The following C10orf90 variants were observed in gnomAD, a reference collection of about 807,000 sequenced individuals.
C10orf90 encodes the protein (E2-independent) E3 ubiquitin-conjugating enzyme FATS.
In C10orf90, 56 loss-of-function variants were observed where a neutral mutation model predicts 62.5. That is an observed-to-expected ratio of 0.90 (90% CI 0.72 to 1.12). The LOEUF is 1.12. Ranked by LOEUF, C10orf90 falls within the 50% of genes most tolerant of loss-of-function variation. The pLI is 0.00. For missense variants in C10orf90, 970 were observed against 880.4 expected (o/e 1.10, Z -1.29); for synonymous variants, 386 against 340.4 (o/e 1.13, Z -1.47).
intron 2 of C10orf90, among the ~76,000 whole-genome samples, chr10:126,587,259 A>G (rs1346732718): frequency 6.6e-6 from 1 of 152,242 alleles, no homozygotes; most frequent in African/African-American, 2.4e-5. Flanking sequence ...ACTTTGCCAC[A>G]TCCTATGAAA....
rs201812309 is a variant in C10orf90 at position 126,461,447 on chromosome 10, T to C, written c.1964A>G (p.Asp655Gly). 4.8e-5 allele frequency: 77 copies of C among 1,614,062 alleles called. 1 individual carries two copies. In the South Asian group the frequency reaches 7.7e-4, roughly 16 times the overall value. ...AGGCGTTTGCTGAGACTCAGAACAG[T>C]CTTCGGACAGGCCAGGGCTCCCTGC... is the stretch of plus-strand genomic sequence containing the variant. The part of the protein sequence containing the change: ...DGAGSPGLSE[D>G]CSESQQTPAR... Residue 655 changes from aspartate to glycine, a missense_variant, in exon 6 of 10, where the codon GAC becomes GGC. Coordinates refer to ENST00000488181, the MANE Select transcript of C10orf90 (RefSeq NM_001350921.2).
intron 3 of C10orf90, among the ~76,000 whole-genome samples, chr10:126,507,521 A>G (rs868077490): frequency 1.8e-4 from 27 of 150,196 alleles, no homozygotes; most frequent in Non-Finnish European, 3.4e-4. Context: ...AAAAAGGTCA[A>G]TGCAGTAGCA....
intron 2 of C10orf90, among the ~76,000 whole-genome samples, chr10:126,646,044 C>T (rs1846163811): frequency 6.6e-6 from 1 of 152,148 alleles, no homozygotes; most frequent in African/African-American, 2.4e-5. Context: ...GGATTTTGCT[C>T]ACAAAGAGTG....
At chr10:126,637,044 G>A (rs1482221665) in intron 2 of C10orf90, among the ~76,000 whole-genome samples, 2 of 152,032 alleles carry the variant, frequency 1.3e-5, no homozygotes, top group African/African-American at 4.8e-5. Flanking sequence ...TAAGGAAGTC[G>A]AAACAAATAA....
At chr10:126,505,368 G>A (rs552318576) in intron 3 of C10orf90, among the ~76,000 whole-genome samples, 1 of 152,192 alleles carries the variant, frequency 6.6e-6, no homozygotes, top group Non-Finnish European at 1.5e-5. Flanking sequence ...TGTCAACGGG[G>A]ATCATCTAAT....
chr10:126,505,284 G>T (rs954905763), intron 3 of C10orf90, among the ~76,000 whole-genome samples, 199 bp from the exon 4 acceptor site: 1 of 152,194 alleles, frequency 6.6e-6, no homozygotes, highest in Non-Finnish European at 1.5e-5. Flanking sequence ...CAAGTTACAC[G>T]TTCTGGAAAC....
chr10:126,647,816 C>A (rs980172290), intron 1 of C10orf90, among the ~76,000 whole-genome samples: 1 of 152,192 alleles, frequency 6.6e-6, no homozygotes, highest in Admixed American at 6.5e-5. Flanking sequence ...CTTCTTTTAG[C>A]TCCACTGTGA....
At position 126,670,343 on chromosome 10, in the gene C10orf90, A is replaced by G. The variant is rs1846724346; in HGVS notation, c.138T>C (p.Phe46=). 2 of 456,730 alleles carry G rather than the reference A, an allele frequency of 4.4e-6. No individual in the cohort carries two copies. The highest frequency in any genetic ancestry group is 2.0e-5 in the African/African-American group (1 of 50,202). The allele number at this position is 456,730 out of a possible 1,614,324, so 28.3% of individuals were successfully genotyped here. ...ELKNHVMVMD[F]VKSNWFPSQR... ...GGGAGGGAAACCAGTTACTCTTCAC[A>G]AAATCCATGACCATCACATGGTTTT... Residue 46 remains phenylalanine, a synonymous_variant, in exon 1 of 10, where the codon TTT becomes TTC. Transcript: ENST00000488181.
intron 2 of C10orf90, among the ~76,000 whole-genome samples, chr10:126,558,961 A>C (rs1864840214): frequency 1.3e-5 from 2 of 152,332 alleles, no homozygotes; most frequent in South Asian, 4.1e-4. Context: ...GGGCAATATG[A>C]TCTCATTACT....
intron 2 of C10orf90, among the ~76,000 whole-genome samples, chr10:126,525,066 C>G (rs972329463): frequency 4.6e-5 from 7 of 152,178 alleles, no homozygotes; most frequent in African/African-American, 1.7e-4. Context: ...CAACTGCCAC[C>G]CCAGCTTCCC....
intron 2 of C10orf90, among the ~76,000 whole-genome samples, chr10:126,554,841 C>T (rs7910543): frequency 0.26 from 38,891 of 152,158 alleles, 5,395 homozygotes; most frequent in East Asian, 0.38. Context: ...AAATGTATAG[C>T]ACAATCAAGC....
Position 126,530,172 on chromosome 10 carries a change from ACTAT to A in C10orf90, c.314-16237_314-16234del, listed in dbSNP as rs766220505. On this transcript the variant is annotated intron_variant, in intron 2 of 9. Transcript: ENST00000488181. Reference sequence around the variant, plus strand: ...TTATAAATAAATTGTGAAATATTCAACTATCTATCAGTGAAAATGAATAAACTAT... The same window carrying A: ...TTATAAATAAATTGTGAAATATTCAACTATCAGTGAAAATGAATAAACTAT... Among the ~76,000 whole-genome samples, 15 of 152,308 alleles carry A rather than the reference ACTAT, an allele frequency of 9.8e-5. No individual in the cohort carries two copies. The South Asian group carries it at 2.5e-3, about 25-fold the overall frequency.
intron 2 of C10orf90, among the ~76,000 whole-genome samples, chr10:126,547,312 A>C (rs1341787645): frequency 2.0e-5 from 3 of 151,464 alleles, no homozygotes; most frequent in Non-Finnish European, 4.4e-5. Context: ...CCAGCTACTC[A>C]GGAGGCTGTG....
intron 2 of C10orf90, among the ~76,000 whole-genome samples, chr10:126,526,818 T>C (rs996207688): frequency 3.3e-5 from 5 of 152,188 alleles, no homozygotes; most frequent in African/African-American, 1.2e-4. Flanking sequence ...AATCATATAA[T>C]ATGTGGGCTT....
At chr10:126,471,985 G>A (rs976409667) in intron 4 of C10orf90, among the ~76,000 whole-genome samples, 12 of 151,968 alleles carry the variant, frequency 7.9e-5, no homozygotes, top group East Asian at 1.9e-4. Flanking sequence ...AGATTACTTC[G>A]ACTACATTGC....
At chr10:126,541,697 A>G (rs2133967447) in intron 2 of C10orf90, among the ~76,000 whole-genome samples, 1 of 152,358 alleles carries the variant, frequency 6.6e-6, no homozygotes, top group South Asian at 2.1e-4. Flanking sequence ...AACAGAAAAT[A>G]ACAAGTGTTG....
At chr10:126,536,051 C>T (rs1864226566) in intron 2 of C10orf90, among the ~76,000 whole-genome samples, 1 of 152,152 alleles carries the variant, frequency 6.6e-6, no homozygotes, top group Non-Finnish European at 1.5e-5. Context: ...GTGGCTAAGA[C>T]AGTACACGCC....
At chr10:126,666,021 G>A (rs1395732818) in intron 1 of C10orf90, among the ~76,000 whole-genome samples, 2 of 152,198 alleles carry the variant, frequency 1.3e-5, no homozygotes, top group South Asian at 2.1e-4. Context: ...TGTCACACAT[G>A]AGACATCAGG....
chr10:126,532,058 GC>G (rs1228563395), intron 2 of C10orf90, among the ~76,000 whole-genome samples: 1 of 152,114 alleles, frequency 6.6e-6, no homozygotes, highest in African/African-American at 2.4e-5. Context: ...TTAGGCAGTT[GC>G]CCCCCACATC....
Sources: gnomAD v4.1 joint callset for allele counts (sites outside exome capture counted in the v4.1 genomes callset) on GRCh38, gnomAD v4.1.1 for gene constraint, MANE v1.5 for transcripts, NCBI Gene and HGNC (gene_info 2026-07-23, HGNC 2026-07-21) for gene names.